The following NT5DC4 variants were observed in gnomAD, a reference collection of about 807,000 sequenced individuals.
The protein encoded by NT5DC4 is 5'-nucleotidase domain containing 4, also known as 5'-nucleotidase domain-containing protein 4.
Under a neutral mutation model 26.6 loss-of-function variants are expected in NT5DC4, and 44 were observed. The observed-to-expected ratio is 1.65, with a 90% CI of 1.30 to 2.13. The LOEUF (loss-of-function observed/expected upper bound fraction) is 2.13. NT5DC4 is among the 30% of genes most tolerant of loss of function. The probability of loss-of-function intolerance (pLI) is 0.00; values close to 1 mark genes in which losing one functional copy is unlikely to be tolerated. For missense variants in NT5DC4, 399 were observed against 228.1 expected (o/e 1.75, Z -4.83); for synonymous variants, 157 against 86.7 (o/e 1.81, Z -4.51).
chr2:112,731,172 C>T (rs1678444187), intron 16 of NT5DC4: 1 of 151,682 alleles, frequency 6.6e-6, no homozygotes, highest in Non-Finnish European at 1.5e-5. Context: ...CCATCTTCTA[C>T]TTGAGATATT....
At chr2:112,742,725 G>C (rs1252549773), downstream of NT5DC4, 2 of 1,606,194 alleles carry the variant, frequency 1.2e-6, no homozygotes, top group Admixed American at 3.4e-5. Flanking sequence ...TTCTGTTTGA[G>C]TCTTGCAAGA....
At position 112,723,005 on chromosome 2, in the gene NT5DC4, C is replaced by T. The variant is rs548675815; in HGVS notation, c.528-76C>T. The T allele has an allele frequency of 4.2e-4, 197 of 465,980 alleles. 1 individual carries two copies. Among genetic ancestry groups the T allele is most frequent in the Non-Finnish European group, 6.7e-4 (166 of 246,432 alleles). 28.9% of individuals were successfully genotyped at this position (465,980 alleles called of 1,614,324 possible). A position where few individuals can be genotyped will look rare whatever the true frequency, so the allele number is the denominator to read the frequency against. On this transcript the variant is annotated intron_variant, in intron 6 of 16. Coordinates refer to ENST00000688554, the MANE Select transcript of NT5DC4 (RefSeq NM_001393655.1). Reference sequence around the variant, plus strand: ...CCCCAGTGTGGCTGGTGGGGTTGCTCTGGTGTGGGACTCAGGGTTGGAGGT... The same window carrying T: ...CCCCAGTGTGGCTGGTGGGGTTGCTTTGGTGTGGGACTCAGGGTTGGAGGT...
intron 16 of NT5DC4, among the ~76,000 whole-genome samples, chr2:112,731,861 C>T (rs1294054101): frequency 6.6e-6 from 1 of 150,896 alleles, no homozygotes; most frequent in Non-Finnish European, 1.5e-5. Flanking sequence ...ACAATGGCAA[C>T]ACTTAGATAC....
At chr2:112,722,419 G>A in intron 4 of NT5DC4, 64 bp from the exon 5 acceptor site, 1 of 715,522 alleles carries the variant, frequency 1.4e-6, no homozygotes, top group South Asian at 1.5e-5. Flanking sequence ...GTGGTTGGAA[G>A]GGATGGCCAG....
chr2:112,724,731 G>A (rs1414840607), intron 10 of NT5DC4, 50 bp from the exon 11 acceptor site: 1 of 710,888 alleles, frequency 1.4e-6, no homozygotes, highest in South Asian at 1.5e-5. Flanking sequence ...GCTGTGGCAA[G>A]GTCAGATTTA....
At chr2:112,737,159 T>A (rs1430431174) in intron 16 of NT5DC4, 1 of 152,222 alleles carries the variant, frequency 6.6e-6, no homozygotes, top group Non-Finnish European at 1.5e-5. Flanking sequence ...ACTCCTGACC[T>A]CAGGTGATTC....
At position 112,722,234 on chromosome 2, in the gene NT5DC4, C is replaced by A. The variant is rs879085538; in HGVS notation, c.318C>A (p.His106Gln). Residue 106 changes from histidine (H) to glutamine (Q), a missense_variant, in exon 4 of 17, where the codon CAC (histidine) becomes CAA (glutamine). Transcript: ENST00000688554. ...LYGNLLKVDA[H>Q]GNVLLGAYGF... is the part of the protein sequence containing the mutation. ...GGAACCTGCTGAAGGTGGACGCCCA[C>A]GGGAATGTGCTGCTGGGTGCCTATG... is the stretch of plus-strand genomic sequence containing the variant. 1.4e-6 allele frequency: 1 copy of A among 717,004 alleles called. No homozygotes were observed. The highest frequency in any genetic ancestry group is 2.7e-5 in the East Asian group (1 of 37,292). The allele number at this position is 717,004 out of a possible 1,614,324, so 44.4% of individuals were successfully genotyped here.
upstream of NT5DC4, among the ~76,000 whole-genome samples, chr2:112,719,738 C>G (rs1023196493): frequency 6.6e-6 from 1 of 151,866 alleles, no homozygotes; most frequent in South Asian, 2.1e-4. Flanking sequence ...CCCGCCTTGG[C>G]CTCCCAAAGT....
chr2:112,721,776 G>A (rs1558719396), intron 1 of NT5DC4, 42 bp from the exon 2 acceptor site: 1 of 717,086 alleles, frequency 1.4e-6, no homozygotes, highest in Admixed American at 2.0e-5. Context: ...GGATTCTGGG[G>A]GGCTGGTGGA....
rs1008754759 is a variant in NT5DC4, at chr2:112,723,476, G to GCCA, written c.672+10_672+12dup. 4.6e-5 allele frequency: 33 copies of GCCA among 716,968 alleles called. No individual in the cohort carries two copies. In the African/African-American group the frequency reaches 5.4e-4, roughly 12 times the overall value. The allele number at this position is 716,968 out of a possible 1,614,324, so 44.4% of individuals were successfully genotyped here. On this transcript the variant is annotated intron_variant, in intron 8 of 16. Transcript: ENST00000688554. The stretch of plus-strand genomic sequence containing the variant: ...AAATATGTGAAGAAGGATGTGAGTG[G>GCCA]CCACAGACCCAGGGCCATGGCCATC...
In NT5DC4 at chr2:112,722,482, G is replaced by T. The variant is rs563502849; in HGVS notation, c.363-1G>T. On this transcript the variant is annotated splice_acceptor_variant, in intron 4 of 16. Transcript: ENST00000688554. LOFTEE classifies it high-confidence loss of function. ...GGGGAGGGGTCATTGGCTGCACCCA[G>T]CCTACCCCTCCTCAGGGCAGAGATC... 5.6e-6 allele frequency: 4 copies of T among 717,240 alleles called. No homozygotes were observed. In the South Asian group the frequency reaches 5.9e-5, roughly 11 times the overall value. 44.4% of individuals were successfully genotyped at this position (717,240 alleles called of 1,614,324 possible). A position where few individuals can be genotyped will look rare whatever the true frequency, so the allele number is the denominator to read the frequency against.
At chr2:112,739,561 C>A (rs778584530), downstream of NT5DC4, among the ~76,000 whole-genome samples, 1 of 152,184 alleles carries the variant, frequency 6.6e-6, no homozygotes, top group Non-Finnish European at 1.5e-5. Context: ...AGTTGGTGTT[C>A]ATTTATTCTA....
intron 1 of NT5DC4, 35 bp from the exon 2 acceptor site, chr2:112,721,783 T>C (rs1416214481): frequency 1.4e-6 from 1 of 717,136 alleles, no homozygotes; most frequent in Non-Finnish European, 2.6e-6. Flanking sequence ...GGGGGGCTGG[T>C]GGACTGATGC....
downstream of NT5DC4, among the ~76,000 whole-genome samples, chr2:112,741,383 G>T (rs1340160472): frequency 5.3e-5 from 8 of 152,134 alleles, no homozygotes. Flanking sequence ...ACTCACTAAG[G>T]TTAACTCACA....
intron 1 of NT5DC4, chr2:112,721,583 C>T (rs1212851067): frequency 2.8e-6 from 2 of 717,634 alleles, no homozygotes; most frequent in Admixed American, 4.0e-5. Context: ...CGCACACACT[C>T]AGATGCACGC....
chr2:112,719,888 TC>T (rs1247249125), upstream of NT5DC4, among the ~76,000 whole-genome samples: 1 of 113,478 alleles, frequency 8.8e-6, no homozygotes, highest in Non-Finnish European at 1.8e-5. Flanking sequence ...TTTCTTTCTT[TC>T]CTTTCTTTCT....
intron 15 of NT5DC4, chr2:112,727,000 A>C (rs1574258624): frequency 1.9e-6 from 1 of 528,972 alleles, no homozygotes; most frequent in South Asian, 2.2e-5. Flanking sequence ...TTTGCCAATC[A>C]CCCTGCCCGG....
chr2:112,741,850 T>G (rs1157718001), downstream of NT5DC4, among the ~76,000 whole-genome samples: 2 of 152,088 alleles, frequency 1.3e-5, no homozygotes, highest in African/African-American at 2.4e-5. Flanking sequence ...AAATTCCACT[T>G]TCTGGGTTCA....
chr2:112,719,287 T>C (rs1676617023), upstream of NT5DC4, among the ~76,000 whole-genome samples: 1 of 152,212 alleles, frequency 6.6e-6, no homozygotes, highest in African/African-American at 2.4e-5. Context: ...CAGTCCACTG[T>C]TGGGCGGAAC....
Sources: allele counts gnomAD v4.1 joint callset (sites outside exome capture counted in the v4.1 genomes callset), GRCh38; gene constraint gnomAD v4.1.1; transcripts MANE v1.5; gene names NCBI Gene and HGNC (gene_info 2026-07-23, HGNC 2026-07-21).